CENPP: variants seen among roughly 807,000 people sequenced by gnomAD.
CENPP encodes the protein centromere protein P.
Under a neutral mutation model 35.6 loss-of-function variants are expected in CENPP, and 24 were observed. The observed-to-expected ratio is 0.67, with a 90% confidence interval of 0.49 to 0.95. The LOEUF is 0.95. CENPP is among the 40% of genes least tolerant of loss of function. The pLI, the probability that CENPP is intolerant of heterozygous loss-of-function variation, is 0.00. For missense variants in CENPP, 332 were observed against 345.3 expected, an observed-to-expected ratio of 0.96 and a Z score of 0.31; for synonymous variants, 120 against 125.5, an observed-to-expected ratio of 0.96 and a Z score of 0.29.
chr9:92,574,346 A>C (rs1378262720), intron 5 of CENPP, among the ~76,000 whole-genome samples: 15 of 152,200 alleles, frequency 9.9e-5, no homozygotes, highest in Non-Finnish European at 2.2e-4. Context: ...AAAACAAATA[A>C]ATTCAGCAAA....
chr9:92,559,844 T>C (rs1278591856), intron 5 of CENPP, among the ~76,000 whole-genome samples: 1 of 152,164 alleles, frequency 6.6e-6, no homozygotes, highest in African/African-American at 2.4e-5. Flanking sequence ...TAAGGGAAGC[T>C]CTACCTTAGA....
chr9:92,583,710 T>C (rs1850482675), intron 5 of CENPP, among the ~76,000 whole-genome samples: 1 of 152,198 alleles, frequency 6.6e-6, no homozygotes, highest in African/African-American at 2.4e-5. Context: ...AAGAGTTGTT[T>C]TGCTTTCAAA....
chr9:92,531,154 A>G (rs1848725888), intron 5 of CENPP, among the ~76,000 whole-genome samples: 1 of 152,082 alleles, frequency 6.6e-6, no homozygotes. Flanking sequence ...ATTGAAATAT[A>G]CTTTCTATTT....
intron 3 of CENPP, among the ~76,000 whole-genome samples, chr9:92,340,865 A>C (rs1564267312): frequency 1.3e-5 from 2 of 152,200 alleles, no homozygotes; most frequent in Non-Finnish European, 1.5e-5. Flanking sequence ...ATCTTGGAAA[A>C]AGAACAGGAT....
At chr9:92,500,688 C>A in intron 5 of CENPP, 1 of 1,567,894 alleles carries the variant, frequency 6.4e-7, no homozygotes, top group Non-Finnish European at 8.7e-7. Flanking sequence ...ATTTTGCCAA[C>A]CAAAATTTAA....
intron 5 of CENPP, among the ~76,000 whole-genome samples, chr9:92,599,961 C>T (rs577648257): frequency 6.6e-6 from 1 of 152,308 alleles, no homozygotes; most frequent in African/African-American, 2.4e-5. Context: ...ACCCACCTCC[C>T]CTGGTCTTTC....
intron 5 of CENPP, among the ~76,000 whole-genome samples, chr9:92,532,657 A>G (rs1304120927): frequency 6.6e-6 from 1 of 151,306 alleles, no homozygotes; most frequent in Non-Finnish European, 1.5e-5. Context: ...CTTTTATTGT[A>G]TTTTCTAGTT....
At chr9:92,433,369 A>G (rs903485043) in intron 5 of CENPP, among the ~76,000 whole-genome samples, 1 of 152,138 alleles carries the variant, frequency 6.6e-6, no homozygotes, top group African/African-American at 2.4e-5. Flanking sequence ...AGGAGGAGTA[A>G]ATTCCTCCCG....
chr9:92,483,510 G>A (rs944798599), intron 5 of CENPP, among the ~76,000 whole-genome samples: 4 of 152,168 alleles, frequency 2.6e-5, no homozygotes, highest in African/African-American at 4.8e-5. Context: ...TTACAGGCAT[G>A]AGCCACCATG....
chr9:92,400,116 C>T (rs756420249), intron 5 of CENPP, among the ~76,000 whole-genome samples: 2 of 151,916 alleles, frequency 1.3e-5, no homozygotes, highest in Non-Finnish European at 2.9e-5. Flanking sequence ...TGAGTCATTC[C>T]ATCCAAGAAC....
chr9:92,512,451 G>A (rs747091485), intron 5 of CENPP, among the ~76,000 whole-genome samples: 7 of 152,160 alleles, frequency 4.6e-5, no homozygotes, highest in Non-Finnish European at 1.0e-4. Flanking sequence ...TACAACAAAG[G>A]TGTGGAAGGT....
rs1840473018 is a variant in CENPP, at chr9:92,326,021, T to C, written c.23T>C (p.Val8Ala). 1 of 1,554,544 alleles carries C rather than the reference T, an allele frequency of 6.4e-7. No homozygotes were observed. The highest frequency in any genetic ancestry group is 8.7e-7 in the Non-Finnish European group (1 of 1,149,704). ...GCCATGGACGCAGAGCTGGCAGAGG[T>C]GCGCGCCTTGCAAGCTGAGATCGCG... is the stretch of plus-strand genomic sequence containing the variant. MDAELAE[V>A]RALQAEIAAL... The change falls in exon 1 of 8, where the codon GTG becomes GCG. Residue 8 changes from valine to alanine, a missense_variant. Physicochemically the swap from Val to Ala is moderately conservative, Grantham distance 64 (BLOSUM62 0). Coordinates refer to ENST00000375587, the MANE Select transcript of CENPP (RefSeq NM_001012267.3).
At chr9:92,448,620 T>C (rs1844615117) in intron 5 of CENPP, among the ~76,000 whole-genome samples, 1 of 151,782 alleles carries the variant, frequency 6.6e-6, no homozygotes, top group African/African-American at 2.4e-5. Context: ...TGTAAGCCGT[T>C]CTCCTGTGGG....
intron 3 of CENPP, among the ~76,000 whole-genome samples, chr9:92,338,335 A>G (rs1456146305): frequency 6.6e-6 from 1 of 151,928 alleles, no homozygotes; most frequent in Admixed American, 6.6e-5. Flanking sequence ...ACCACCAAAA[A>G]TACAATTATC....
At chr9:92,413,239 G>A (rs548160193) in intron 5 of CENPP, among the ~76,000 whole-genome samples, 8 of 151,992 alleles carry the variant, frequency 5.3e-5, no homozygotes, top group South Asian at 2.1e-4. Context: ...CACCTAACTC[G>A]GCCTTCCAAA....
chr9:92,341,984 A>G (rs1327665560), intron 3 of CENPP, among the ~76,000 whole-genome samples: 1 of 152,268 alleles, frequency 6.6e-6, no homozygotes, highest in Non-Finnish European at 1.5e-5. Context: ...TAAAGGTACT[A>G]GAAGTGTATT....
chr9:92,402,830 A>G lies in CENPP; in HGVS notation c.564+22971A>G, dbSNP rs149458383. 1.1e-4 allele frequency among the ~76,000 whole-genome samples: 16 copies of G among 152,336 alleles called. No homozygotes were observed. In the East Asian group the frequency reaches 1.9e-3, roughly 18 times the overall value. On this transcript the variant is annotated intron_variant, in intron 5 of 7. Transcript: ENST00000375587. ...ATGTATTTTCTTCAAATTGTTTTCT[A>G]TAATAATAACCTTAAGCTGATAATT...
intron 5 of CENPP, among the ~76,000 whole-genome samples, chr9:92,594,599 T>C (rs1041425967): frequency 1.3e-5 from 2 of 152,166 alleles, no homozygotes; most frequent in Non-Finnish European, 2.9e-5. Context: ...CTGCCTAGTA[T>C]TCATTTTATT....
At chr9:92,369,043 C>T (rs1841950856) in intron 4 of CENPP, among the ~76,000 whole-genome samples, 2 of 152,112 alleles carry the variant, frequency 1.3e-5, no homozygotes, top group African/African-American at 4.8e-5. Context: ...CACACTATCT[C>T]TAAAAATAAA....
Sources: gnomAD v4.1 joint callset for allele counts (sites outside exome capture counted in the v4.1 genomes callset) on GRCh38, gnomAD v4.1.1 for gene constraint, MANE v1.5 for transcripts, NCBI Gene and HGNC (gene_info 2026-07-23, HGNC 2026-07-21) for gene names.